ARMH3: variants seen among roughly 807,000 people sequenced by gnomAD.
ARMH3 encodes armadillo-like helical domain-containing protein 3.
ARMH3 carries 60 observed loss-of-function variants against 99.1 expected under a neutral mutation model. The observed-to-expected ratio is 0.61, with a 90% CI of 0.49 to 0.75. The LOEUF (loss-of-function observed/expected upper bound fraction) is 0.75. Among genes scored for constraint, ARMH3 ranks in the 30% least tolerant of loss-of-function variants. ARMH3 has a pLI of 0.00. For missense variants in ARMH3, 679 were observed against 843.1 expected, an observed-to-expected ratio of 0.81 and a Z score of 2.41; for synonymous variants, 285 against 292.8, an observed-to-expected ratio of 0.97 and a Z score of 0.27.
intron 23 of ARMH3, among the ~76,000 whole-genome samples, chr10:101,920,592 T>C (rs2135595596): frequency 6.6e-6 from 1 of 151,476 alleles, no homozygotes; most frequent in African/African-American, 2.4e-5. Context: ...AGAATCCAAG[T>C]GAAAAAGAAA....
chr10:101,992,072 T>C (rs752315902), intron 17 of ARMH3, 34 bp from the exon 18 acceptor site: 7 of 1,565,738 alleles, frequency 4.5e-6, no homozygotes, highest in South Asian at 3.3e-5. Flanking sequence ...AGGAAATTAG[T>C]AGACACCGGC....
intron 23 of ARMH3, among the ~76,000 whole-genome samples, chr10:101,908,908 C>T (rs1842755829): frequency 6.6e-6 from 1 of 151,870 alleles, no homozygotes; most frequent in Non-Finnish European, 1.5e-5. Context: ...GGCGATCCAC[C>T]CGCCTCAGCC....
chr10:101,874,218 T>C (rs1054260776), intron 24 of ARMH3, among the ~76,000 whole-genome samples: 11 of 152,274 alleles, frequency 7.2e-5, no homozygotes, highest in African/African-American at 2.6e-4. Flanking sequence ...TACATCTTGA[T>C]TGTGGTGGTG....
At chr10:101,987,472 C>T (rs1360507912) in intron 19 of ARMH3, among the ~76,000 whole-genome samples, 1 of 152,142 alleles carries the variant, frequency 6.6e-6, no homozygotes, top group Non-Finnish European at 1.5e-5. Context: ...GAACAGCCTC[C>T]GGGGTCAGAC....
chr10:101,929,228 G>C (rs907728594), intron 23 of ARMH3, among the ~76,000 whole-genome samples: 6 of 152,126 alleles, frequency 3.9e-5, no homozygotes, highest in Non-Finnish European at 8.8e-5. Context: ...TTGTTATAAA[G>C]CTCAATATGC....
chr10:101,893,153 C>T (rs563447862), intron 23 of ARMH3, among the ~76,000 whole-genome samples: 1 of 152,272 alleles, frequency 6.6e-6, no homozygotes, highest in East Asian at 1.9e-4. Context: ...TCCCACTGAT[C>T]CTAGCAGCAG....
rs201464769 is a variant in ARMH3, at chr10:101,939,849, T to C, written c.1781+14A>G. 8.4e-5 allele frequency: 136 copies of C among 1,610,734 alleles called. No individual in the cohort carries two copies. The Admixed American group carries it at 2.2e-3, about 26-fold the overall frequency. On this transcript the variant is annotated intron_variant, in intron 23 of 25. Coordinates refer to ENST00000370033, the MANE Select transcript of ARMH3 (RefSeq NM_024541.3). ...AGCCAAGGAACTCTGCAAGAGATAC[T>C]TCTCATTCCTTACCTGATATTAACC...
chr10:101,899,669 A>C (rs1425616960), intron 23 of ARMH3, among the ~76,000 whole-genome samples: 2 of 152,222 alleles, frequency 1.3e-5, no homozygotes, highest in Non-Finnish European at 2.9e-5. Flanking sequence ...TCAAGTAAGA[A>C]TACCTTCTAA....
chr10:102,017,015 C>T (rs2066764633), intron 8 of ARMH3, among the ~76,000 whole-genome samples: 1 of 152,236 alleles, frequency 6.6e-6, no homozygotes, highest in Non-Finnish European at 1.5e-5. Context: ...AACTTCTTCA[C>T]TTTCTCTGTG....
At chr10:102,015,112 A>G (rs1351814755) in intron 8 of ARMH3, among the ~76,000 whole-genome samples, 3 of 152,174 alleles carry the variant, frequency 2.0e-5, no homozygotes, top group African/African-American at 4.8e-5. Flanking sequence ...TTAATGCAAC[A>G]CAACTTAAGG....
intron 19 of ARMH3, among the ~76,000 whole-genome samples, chr10:101,980,959 A>G (rs1456962949): frequency 6.6e-6 from 1 of 151,920 alleles, no homozygotes; most frequent in Non-Finnish European, 1.5e-5. Context: ...TAACACAAGA[A>G]CAGACAACCA....
chr10:102,028,920 G>C (rs1189211458), intron 5 of ARMH3, among the ~76,000 whole-genome samples: 1 of 152,252 alleles, frequency 6.6e-6, no homozygotes, highest in East Asian at 1.9e-4. Flanking sequence ...TGCCCAGCCT[G>C]GAGTGCAGTG....
intron 22 of ARMH3, among the ~76,000 whole-genome samples, chr10:101,941,173 G>A (rs1266795662): frequency 2.0e-5 from 3 of 152,208 alleles, no homozygotes; most frequent in Non-Finnish European, 4.4e-5. Context: ...CTACATTTAT[G>A]TAGAGAAGTA....
intron 20 of ARMH3, among the ~76,000 whole-genome samples, chr10:101,958,237 A>G (rs1405585135): frequency 6.6e-6 from 1 of 151,974 alleles, no homozygotes; most frequent in Non-Finnish European, 1.5e-5. Context: ...CCTCTAGATG[A>G]GGAGAGCTCA....
intron 23 of ARMH3, among the ~76,000 whole-genome samples, chr10:101,893,828 C>T (rs974877585): frequency 3.3e-5 from 5 of 152,070 alleles, no homozygotes; most frequent in Admixed American, 2.0e-4. Context: ...CCCTTCTCAC[C>T]ATTACACTTA....
At chr10:101,853,723 G>A (rs972038142) in intron 24 of ARMH3, among the ~76,000 whole-genome samples, 1 of 152,196 alleles carries the variant, frequency 6.6e-6, no homozygotes, top group African/African-American at 2.4e-5. Flanking sequence ...AAGCCAGTAA[G>A]TCACCTACAG....
chr10:101,874,038 G>C (rs2067199280), intron 24 of ARMH3, among the ~76,000 whole-genome samples: 1 of 152,110 alleles, frequency 6.6e-6, no homozygotes, highest in Admixed American at 6.6e-5. Context: ...TCAGAAAGAA[G>C]ACATAAAAGA....
intron 24 of ARMH3, among the ~76,000 whole-genome samples, chr10:101,874,811 A>C (rs767216031): frequency 1.3e-5 from 2 of 152,120 alleles, no homozygotes; most frequent in Non-Finnish European, 2.9e-5. Flanking sequence ...ACAATATTTC[A>C]CTGGGGGTTC....
intron 20 of ARMH3, among the ~76,000 whole-genome samples, chr10:101,960,776 G>C (rs927660218): frequency 3.3e-5 from 5 of 151,560 alleles, no homozygotes; most frequent in Admixed American, 1.3e-4. Flanking sequence ...TGTAATCCCA[G>C]CTACTCGTGA....
Sources: gnomAD v4.1 joint callset for allele counts (sites outside exome capture counted in the v4.1 genomes callset) on GRCh38, gnomAD v4.1.1 for gene constraint, MANE v1.5 for transcripts, NCBI Gene and HGNC (gene_info 2026-07-23, HGNC 2026-07-21) for gene names.